BNC2: variants seen among roughly 807,000 people sequenced by gnomAD.
BNC2 encodes zinc finger protein basonuclin-2.
In BNC2, 20 loss-of-function variants were observed where a neutral mutation model predicts 76.3. The observed-to-expected ratio is 0.26, with a 90% confidence interval of 0.18 to 0.38. BNC2 has a LOEUF of 0.38. Among genes scored for constraint, BNC2 ranks in the 10% least tolerant of loss-of-function variants. The pLI is 1.00. For missense variants in BNC2, 1,382 were observed against 1,399.8 expected, an observed-to-expected ratio of 0.99 and a Z score of 0.20; for synonymous variants, 582 against 514.8, an observed-to-expected ratio of 1.13 and a Z score of -1.77.
At chr9:16,443,683 C>T (rs1311151730) in intron 5 of BNC2, among the ~76,000 whole-genome samples, 6 of 151,970 alleles carry the variant, frequency 3.9e-5, no homozygotes, top group Non-Finnish European at 5.9e-5. Flanking sequence ...ACTAAGCTAC[C>T]GACTACAACA....
chr9:16,831,697 G>C (rs923897679), intron 1 of BNC2, among the ~76,000 whole-genome samples: 12 of 152,124 alleles, frequency 7.9e-5, no homozygotes, highest in African/African-American at 2.9e-4. Flanking sequence ...CAGATTTGGT[G>C]GTTGAACTCG....
chr9:16,851,210 T>G (rs1163794138), intron 1 of BNC2, among the ~76,000 whole-genome samples: 1 of 152,200 alleles, frequency 6.6e-6, no homozygotes, highest in Non-Finnish European at 1.5e-5. Context: ...TAAAAAGTAT[T>G]TAAAATCAGT....
intron 1 of BNC2, among the ~76,000 whole-genome samples, chr9:16,820,823 A>G (rs552324267): frequency 6.6e-6 from 1 of 152,294 alleles, no homozygotes; most frequent in African/African-American, 2.4e-5. Flanking sequence ...AAAAACACTA[A>G]AAGTTTAAAG....
At position 16,410,493 on chromosome 9, in the gene BNC2, T is replaced by A. The variant is rs917914453; in HGVS notation, c.*8496A>T. The A allele has an allele frequency of 6.6e-6, 1 of 152,616 alleles. No homozygotes were observed. Among genetic ancestry groups the A allele is most frequent in the African/African-American group, 2.4e-5 (1 of 41,432 alleles). 9.5% of individuals were successfully genotyped at this position (152,616 alleles called of 1,614,324 possible). On this transcript the variant is annotated 3_prime_UTR_variant, in exon 7 of 7. Transcript: ENST00000380672. The stretch of plus-strand genomic sequence containing the variant: ...TGGCACTGGCAGGAAAATGGTGAGA[T>A]TCTCTGCAGGGCAGCTGAACCAAAG...
intron 5 of BNC2, among the ~76,000 whole-genome samples, chr9:16,452,799 G>A (rs1821370692): frequency 6.6e-6 from 1 of 152,100 alleles, no homozygotes; most frequent in Non-Finnish European, 1.5e-5. Flanking sequence ...ATTAATTCCT[G>A]AATTCTCTTC....
At chr9:16,587,342 T>C (rs778707046) in intron 3 of BNC2, among the ~76,000 whole-genome samples, 8 of 152,034 alleles carry the variant, frequency 5.3e-5, no homozygotes, top group Non-Finnish European at 1.0e-4. Context: ...GCTTCCCCAG[T>C]AGCTGGGACT....
chr9:16,677,578 A>AAACACACACACACACAC (rs1822687344), intron 3 of BNC2, among the ~76,000 whole-genome samples: 7 of 139,256 alleles, frequency 5.0e-5, no homozygotes, highest in African/African-American at 2.0e-4. Context: ...GTCTCAAACA[A>AAACACACACACACACAC]ACACACACAC....
chr9:16,498,718 A>G (rs1252976159), intron 5 of BNC2, among the ~76,000 whole-genome samples: 1 of 151,856 alleles, frequency 6.6e-6, no homozygotes, highest in Non-Finnish European at 1.5e-5. Flanking sequence ...CCAAAAAATT[A>G]TATGTTTTCT....
chr9:16,548,045 G>T (rs1818542867), intron 5 of BNC2, among the ~76,000 whole-genome samples: 1 of 152,050 alleles, frequency 6.6e-6, no homozygotes, highest in Non-Finnish European at 1.5e-5. Context: ...AGTTGAGAGG[G>T]GCATCAATAC....
chr9:16,614,772 C>T (rs1160892125), intron 3 of BNC2, among the ~76,000 whole-genome samples: 1 of 151,662 alleles, frequency 6.6e-6, no homozygotes, highest in Non-Finnish European at 1.5e-5. Flanking sequence ...CACAGGGAAG[C>T]CCTGTCTCTA....
intron 3 of BNC2, among the ~76,000 whole-genome samples, chr9:16,718,160 A>G (rs1383250363): frequency 6.6e-6 from 1 of 152,178 alleles, no homozygotes; most frequent in East Asian, 1.9e-4. Flanking sequence ...TTATTTGAAC[A>G]ACAATGGTAC....
chr9:16,638,653 C>T (rs1016672244), intron 3 of BNC2, among the ~76,000 whole-genome samples: 1 of 151,966 alleles, frequency 6.6e-6, no homozygotes, highest in African/African-American at 2.4e-5. Context: ...ACATTCCACT[C>T]ATAAAACTAT....
intron 3 of BNC2, among the ~76,000 whole-genome samples, chr9:16,698,877 T>C (rs1010989696): frequency 6.6e-6 from 1 of 152,228 alleles, no homozygotes; most frequent in Non-Finnish European, 1.5e-5. Flanking sequence ...TAACAGTTCC[T>C]TGGTGATAGC....
intron 3 of BNC2, among the ~76,000 whole-genome samples, chr9:16,602,807 T>G (rs76691487): frequency 0.019 from 2,861 of 152,284 alleles, 83 homozygotes; most frequent in South Asian, 0.15. Context: ...GATGGGAACA[T>G]TTTTACATTT....
chr9:16,777,904 T>C (rs1826014335), intron 1 of BNC2, among the ~76,000 whole-genome samples: 1 of 152,138 alleles, frequency 6.6e-6, no homozygotes, highest in African/African-American at 2.4e-5. Context: ...ATACATTCCA[T>C]GTTACTAAAC....
chr9:16,659,534 G>A lies in BNC2; in HGVS notation c.330+68263C>T, dbSNP rs558464710. Among the ~76,000 whole-genome samples, 594 of 151,694 alleles carry A rather than the reference G, an allele frequency of 3.9e-3. 3 individuals carry two copies. The highest frequency in any genetic ancestry group is 6.3e-3 in the Non-Finnish European group (426 of 67,944). On this transcript the variant is annotated intron_variant, in intron 3 of 6. Coordinates refer to ENST00000380672, the MANE Select transcript of BNC2 (RefSeq NM_017637.6). ...GAGGCAGGAGAATCGCTTGAACCCA[G>A]GAGGCGGAAATTGAAGTTAGCCGAG... is the stretch of plus-strand genomic sequence containing the variant.
At chr9:16,715,347 T>C (rs985506965) in intron 3 of BNC2, among the ~76,000 whole-genome samples, 2 of 152,192 alleles carry the variant, frequency 1.3e-5, no homozygotes, top group Non-Finnish European at 2.9e-5. Flanking sequence ...AGAAATATAT[T>C]TACTAAACTT....
intron 3 of BNC2, among the ~76,000 whole-genome samples, chr9:16,672,470 C>T (rs1458167626): frequency 1.3e-5 from 2 of 152,050 alleles, no homozygotes; most frequent in Non-Finnish European, 2.9e-5. Flanking sequence ...GCACTCCAGC[C>T]TGGGCGACAG....
At chr9:16,824,926 T>C (rs966539158) in intron 1 of BNC2, among the ~76,000 whole-genome samples, 14 of 152,116 alleles carry the variant, frequency 9.2e-5, no homozygotes, top group Admixed American at 6.5e-4. Context: ...AAGATACGGT[T>C]TGACCAGGCT....
Sources: allele counts gnomAD v4.1 joint callset (sites outside exome capture counted in the v4.1 genomes callset), GRCh38; gene constraint gnomAD v4.1.1; transcripts MANE v1.5; gene names NCBI Gene and HGNC (gene_info 2026-07-23, HGNC 2026-07-21).